GTF3C1: variants seen among roughly 807,000 people sequenced by gnomAD.
The protein encoded by GTF3C1 is general transcription factor IIIC subunit 1, also known as general transcription factor 3C polypeptide 1.
A neutral mutation model predicts 226.7 loss-of-function variants in GTF3C1; 57 were observed. The ratio of observed to expected loss-of-function variants is 0.25; its 90% CI spans 0.20 to 0.31. The LOEUF is 0.31. GTF3C1 is among the 10% of genes least tolerant of loss of function. The probability of loss-of-function intolerance (pLI) is 1.00; values close to 1 mark genes in which losing one functional copy is unlikely to be tolerated. For synonymous variants in GTF3C1, 1,090 were observed against 1,084.8 expected, an observed-to-expected ratio of 1.00 and a Z score of -0.09; for missense variants, 2,217 against 2,776.1, an observed-to-expected ratio of 0.80 and a Z score of 4.53.
Position 27,470,103 on chromosome 16 carries a change from C to CT in GTF3C1, c.4814+4dup. 1 of 1,611,242 alleles carries CT rather than the reference C, an allele frequency of 6.2e-7. No individual in the cohort carries two copies. The highest frequency in any genetic ancestry group is 1.7e-4 in the Middle Eastern group (1 of 6,042). Reference sequence around the variant, plus strand: ...GACCTGATGCTGCGGATGCCGGACTCTTACCTTTTGATGACCTCATTCTCC... The same window carrying CT: ...GACCTGATGCTGCGGATGCCGGACTCTTTACCTTTTGATGACCTCATTCTCC... On this transcript the variant is annotated splice_donor_region_variant and intron_variant, in intron 31 of 36. Transcript: ENST00000356183. This position sits in a 1 kb window ranked among gnomAD's most constrained non-coding sequence, Gnocchi z 4.9.
chr16:27,510,841 A>C (rs75611942), intron 7 of GTF3C1, among the ~76,000 whole-genome samples: 1,807 of 152,318 alleles, frequency 0.012, 48 homozygotes, highest in African/African-American at 0.041. Context: ...TTGCCCATTC[A>C]TCATAAATTC....
At chr16:27,516,403 G>A (rs759168755) in intron 6 of GTF3C1, among the ~76,000 whole-genome samples, 13 of 152,206 alleles carry the variant, frequency 8.5e-5, no homozygotes, top group Admixed American at 6.5e-5. Flanking sequence ...AGCGTGAGGC[G>A]GCTGTGCTTC....
At chr16:27,528,511 T>C in intron 6 of GTF3C1, 87 bp downstream of exon 6, 1 of 1,009,284 alleles carries the variant, frequency 9.9e-7, no homozygotes, top group Non-Finnish European at 1.5e-6. Context: ...CAAGGCAGAA[T>C]GTGATCAGAG....
intron 4 of GTF3C1, among the ~76,000 whole-genome samples, chr16:27,536,890 A>G (rs2089009265): frequency 6.6e-6 from 1 of 152,200 alleles, no homozygotes; most frequent in South Asian, 2.1e-4. Flanking sequence ...AGACCTCTGC[A>G]GAGTGGTGAA....
chr16:27,537,756 C>T (rs2089022466), intron 4 of GTF3C1, 28 bp downstream of exon 4: 1 of 1,560,068 alleles, frequency 6.4e-7, no homozygotes, highest in African/African-American at 1.4e-5. Context: ...ACTAAAAAAC[C>T]TAATGTTTTG....
At chr16:27,466,340 C>T (rs2087786528) in intron 32 of GTF3C1, 1 of 152,170 alleles carries the variant, frequency 6.6e-6, no homozygotes, top group Admixed American at 6.5e-5. Flanking sequence ...GTGATGGTGA[C>T]CTGTGATCAG....
intron 2 of GTF3C1, among the ~76,000 whole-genome samples, chr16:27,543,563 G>GT (rs1305676826): frequency 5.3e-5 from 8 of 151,932 alleles, no homozygotes; most frequent in Non-Finnish European, 8.8e-5. Context: ...CTAGTTTTTT[G>GT]TTTTTTTAAT....
At chr16:27,525,848 T>A (rs960835843) in intron 6 of GTF3C1, among the ~76,000 whole-genome samples, 1 of 152,248 alleles carries the variant, frequency 6.6e-6, no homozygotes, top group Non-Finnish European at 1.5e-5. Flanking sequence ...ATAACTGCAC[T>A]TTTTGCCATT....
At chr16:27,522,346 T>C (rs902484143) in intron 6 of GTF3C1, among the ~76,000 whole-genome samples, 1 of 152,232 alleles carries the variant, frequency 6.6e-6, no homozygotes, top group African/African-American at 2.4e-5. Context: ...CATACAGTCA[T>C]GGCCTTTCAT....
intron 2 of GTF3C1, 42 bp downstream of exon 2, chr16:27,545,272 C>A: frequency 1.4e-6 from 2 of 1,431,332 alleles, no homozygotes; most frequent in South Asian, 1.1e-5. Context: ...CCACCGTACC[C>A]GGCCAGATTC....
Position 27,471,843 on chromosome 16 carries a change from G to T in GTF3C1, c.4431C>A (p.Val1477=), listed in dbSNP as rs866423185. 6.2e-7 allele frequency: 1 copy of T among 1,613,900 alleles called. No homozygotes were observed. Among genetic ancestry groups the T allele is most frequent in the Middle Eastern group, 1.6e-4 (1 of 6,062 alleles). Residue 1477 remains valine (V), a synonymous_variant, in exon 30 of 37, where the codon GTC becomes GTA. Transcript: ENST00000356183. The surrounding 1 kb of genome is among the most constrained non-coding windows in gnomAD (Gnocchi z 5.0). ...AFMECQKRSL[V]NRRRVNHTLG... ...GCGTGTGGTTGACCCGGCGCCGGTT[G>T]ACCAAGCTCCTCTTCTGGCACTCCA...
intron 21 of GTF3C1, 92 bp from the exon 22 acceptor site, chr16:27,488,727 G>T: frequency 9.3e-7 from 1 of 1,074,130 alleles, no homozygotes; most frequent in East Asian, 2.4e-5. Context: ...CTCTTAGGAA[G>T]GTAAGGGCCG....
chr16:27,464,855 C>A lies in GTF3C1; in HGVS notation c.5356-19G>T, dbSNP rs372263308. 1.0e-5 allele frequency: 15 copies of A among 1,497,114 alleles called. No individual in the cohort carries two copies. The highest frequency in any genetic ancestry group is 6.9e-5 in the Admixed American group (3 of 43,404). 92.7% of individuals were successfully genotyped at this position (1,497,114 alleles called of 1,614,324 possible). ...GGAGGGCCTGGGGAGGCAGGAGACA[C>A]GCGGGGTCTGTGGGGAGCTCGGGAT... On this transcript the variant is annotated intron_variant, in intron 33 of 36. Coordinates refer to ENST00000356183, the MANE Select transcript of GTF3C1 (RefSeq NM_001520.4).
At chr16:27,529,935 T>C (rs2141440832) in intron 5 of GTF3C1, among the ~76,000 whole-genome samples, 1 of 152,360 alleles carries the variant, frequency 6.6e-6, no homozygotes, top group Middle Eastern at 3.4e-3. Context: ...CTTAAACCTA[T>C]CCTGTATCAA....
chr16:27,465,229 TGATATCCG>T, intron 33 of GTF3C1, 23 bp downstream of exon 33: 1 of 1,606,384 alleles, frequency 6.2e-7, no homozygotes, highest in African/African-American at 1.3e-5. Context: ...TCCGCTTCGG[TGATATCCG>T]GCTAACCTAA....
chr16:27,539,853 GA>G (rs1418558683), intron 2 of GTF3C1, among the ~76,000 whole-genome samples: 1 of 152,064 alleles, frequency 6.6e-6, no homozygotes, highest in East Asian at 1.9e-4. Flanking sequence ...CCAGCCCCTT[GA>G]ACCATGAACC....
chr16:27,525,167 GAAAAGAAAAGAAAGAAAT>G (rs775713937), intron 6 of GTF3C1, among the ~76,000 whole-genome samples: 35 of 141,854 alleles, frequency 2.5e-4, no homozygotes, highest in Admixed American at 5.1e-4. Context: ...AGAAAAGAAA[GAAAAGAAAAGAAAGAAAT>G]AAAAGAAAAG....
chr16:27,475,222 C>T (rs1482597637), intron 29 of GTF3C1, among the ~76,000 whole-genome samples: 2 of 152,224 alleles, frequency 1.3e-5, no homozygotes, highest in African/African-American at 4.8e-5. Flanking sequence ...GGCCCCACTC[C>T]ACTGCTCTTG....
chr16:27,506,215 C>G, intron 9 of GTF3C1, 99 bp from the exon 10 acceptor site: 2 of 659,392 alleles, frequency 3.0e-6, no homozygotes, highest in Non-Finnish European at 5.3e-6. Flanking sequence ...AAGGATTCTG[C>G]TGAGAGTCAG....
Sources: gnomAD v4.1 joint callset for allele counts (sites outside exome capture counted in the v4.1 genomes callset) on GRCh38, gnomAD v4.1.1 for gene constraint, Gnocchi (gnomAD v3.1) non-coding constraint, MANE v1.5 for transcripts, NCBI Gene and HGNC (gene_info 2026-07-23, HGNC 2026-07-21) for gene names.